RPSA2: variants seen among roughly 807,000 people sequenced by gnomAD.
RPSA2 encodes small ribosomal subunit protein uS2B.
At chr19:23,766,304 C>G in the RPSA2 span, among the ~76,000 whole-genome samples, 19 of 151,422 alleles carry the variant, frequency 1.3e-4, no homozygotes, top group Non-Finnish European at 2.7e-4. Flanking sequence ...AGGCATGAGC[C>G]ACTGTGCCCA....
the RPSA2 span, among the ~76,000 whole-genome samples, chr19:23,870,066 G>C: frequency 6.6e-6 from 1 of 152,164 alleles, no homozygotes; most frequent in Non-Finnish European, 1.5e-5. Context: ...TCATTAATCT[G>C]TCTGAGCCTT....
the RPSA2 span, among the ~76,000 whole-genome samples, chr19:23,854,618 C>T: frequency 1.8e-4 from 28 of 152,294 alleles, no homozygotes; most frequent in African/African-American, 6.3e-4. Context: ...CCAGTGTTTA[C>T]CTTTATGGCA....
At chr19:23,829,395 G>T in the RPSA2 span, among the ~76,000 whole-genome samples, 102 of 152,252 alleles carry the variant, frequency 6.7e-4, no homozygotes, top group Non-Finnish European at 1.3e-3. Flanking sequence ...TCCGCCTCCT[G>T]GGTTCAAGCA....
At chr19:23,840,948 A>G in the RPSA2 span, among the ~76,000 whole-genome samples, 141,702 of 144,658 alleles carry the variant, frequency 0.98, 69,497 homozygotes, top group Middle Eastern at 1. Flanking sequence ...GGTGAAAACA[A>G]CAAAACTCCG....
At chr19:23,783,448 T>C in the RPSA2 span, among the ~76,000 whole-genome samples, 2 of 151,300 alleles carry the variant, frequency 1.3e-5, no homozygotes, top group South Asian at 2.1e-4. Context: ...GATGCAACTT[T>C]CCTGCATGGG....
the RPSA2 span, among the ~76,000 whole-genome samples, chr19:23,868,086 G>T: frequency 1.5e-3 from 233 of 152,274 alleles, no homozygotes; most frequent in Admixed American, 2.5e-3. Flanking sequence ...AGAAGATGGC[G>T]ACTGCTGCAT....
the RPSA2 span, among the ~76,000 whole-genome samples, chr19:23,763,341 G>C: frequency 1.4e-4 from 22 of 152,352 alleles, no homozygotes; most frequent in African/African-American, 5.0e-4. Flanking sequence ...CATGTCTGGA[G>C]CCCCCTGAGC....
chr19:23,854,770 G>C, the RPSA2 span, among the ~76,000 whole-genome samples: 2 of 152,176 alleles, frequency 1.3e-5, no homozygotes, highest in Non-Finnish European at 2.9e-5. Context: ...AATCAGTTGA[G>C]CCAGTTTGAT....
the RPSA2 span, among the ~76,000 whole-genome samples, chr19:23,772,906 G>A: frequency 6.6e-6 from 1 of 152,182 alleles, no homozygotes; most frequent in African/African-American, 2.4e-5. Flanking sequence ...AGGGCCAGAA[G>A]TATGGTCATG....
chr19:23,857,925 C>T, the RPSA2 span, among the ~76,000 whole-genome samples: 1 of 151,990 alleles, frequency 6.6e-6, no homozygotes, highest in Non-Finnish European at 1.5e-5. Context: ...CGTCTTTATA[C>T]TGATTTCTGC....
the RPSA2 span, among the ~76,000 whole-genome samples, chr19:23,842,860 C>CT: frequency 3.9e-5 from 6 of 151,904 alleles, no homozygotes; most frequent in African/African-American, 1.2e-4. Context: ...GAACCATCCC[C>CT]TTTTTTTTGA....
the RPSA2 span, among the ~76,000 whole-genome samples, chr19:23,813,730 C>CTTTCTTT: frequency 3.1e-3 from 419 of 136,792 alleles, 8 homozygotes; most frequent in Middle Eastern, 0.015. Flanking sequence ...ACACGGGTTT[C>CTTTCTTT]TTTTTTTTTT....
chr19:23,855,470 C>G, the RPSA2 span, among the ~76,000 whole-genome samples: 1 of 152,214 alleles, frequency 6.6e-6, no homozygotes, highest in South Asian at 2.1e-4. Flanking sequence ...CACTTGTATC[C>G]GAGCATCAGG....
At chr19:23,770,373 G>A in the RPSA2 span, among the ~76,000 whole-genome samples, 5 of 152,124 alleles carry the variant, frequency 3.3e-5, no homozygotes, top group Admixed American at 2.6e-4. Context: ...CAGCACTTAG[G>A]TGATATAACT....
the RPSA2 span, chr19:23,781,991 C>A: frequency 6.5e-6 from 1 of 154,698 alleles, no homozygotes; most frequent in African/African-American, 2.4e-5. Context: ...TTTGAGTCTC[C>A]TCTTCTGCCT....
At chr19:23,838,632 A>T in the RPSA2 span, among the ~76,000 whole-genome samples, 1 of 151,966 alleles carries the variant, frequency 6.6e-6, no homozygotes, top group Admixed American at 6.6e-5. Flanking sequence ...TTCCTGTTTT[A>T]AGCTAGTAGG....
chr19:23,789,006 CT>C, the RPSA2 span, among the ~76,000 whole-genome samples: 152 of 95,386 alleles, frequency 1.6e-3, no homozygotes, highest in Non-Finnish European at 2.5e-3. Context: ...CTCATCTTTT[CT>C]TTTTTTTCTT....
the RPSA2 span, among the ~76,000 whole-genome samples, chr19:23,769,439 G>A: frequency 3.9e-5 from 6 of 152,252 alleles, no homozygotes; most frequent in South Asian, 4.2e-4. Context: ...CACCTCCTGG[G>A]TTCAAGTGAT....
the RPSA2 span, among the ~76,000 whole-genome samples, chr19:23,800,592 G>T: frequency 3.6e-4 from 51 of 142,904 alleles, no homozygotes; most frequent in Non-Finnish European, 6.6e-4. Flanking sequence ...ACTTCTAGAG[G>T]GGCTAGAGCA....
Sources: gnomAD v4.1 joint callset for allele counts (sites outside exome capture counted in the v4.1 genomes callset) on GRCh38, gnomAD v4.1.1 for gene constraint, MANE v1.5 for transcripts, NCBI Gene and HGNC (gene_info 2026-07-23, HGNC 2026-07-21) for gene names.